LCOR: variants seen among roughly 807,000 people sequenced by gnomAD.
LCOR encodes the protein ligand-dependent corepressor.
In LCOR, 14 loss-of-function variants were observed where a neutral mutation model predicts 64.4. The ratio of observed to expected loss-of-function variants is 0.22; its 90% CI spans 0.14 to 0.34. LCOR has a LOEUF of 0.34. LCOR is among the 10% of genes least tolerant of loss of function. The pLI is 1.00. For missense variants in LCOR, 1,686 were observed against 1,765.3 expected, an observed-to-expected ratio of 0.96 and a Z score of 0.80; for synonymous variants, 643 against 642.5, an observed-to-expected ratio of 1.00 and a Z score of -0.01.
rs1205324892 is a variant in LCOR at position 96,993,907 on chromosome 10, G to C, written c.*8773G>C. 1 of 152,032 alleles carries C rather than the reference G, an allele frequency of 6.6e-6. No homozygotes were observed. Among genetic ancestry groups the C allele is most frequent in the African/African-American group, 2.4e-5 (1 of 41,382 alleles). 9.4% of individuals were successfully genotyped at this position (152,032 alleles called of 1,614,324 possible). On this transcript the variant is annotated 3_prime_UTR_variant, in exon 8 of 8. Coordinates refer to ENST00000421806, the MANE Select transcript of LCOR (RefSeq NM_001346516.2). The stretch of plus-strand genomic sequence containing the variant: ...AACATTTATTCCAGGGCCCACATTG[G>C]CCCTTGTCTCAGAGGATAGGGTGGG...
At chr10:96,963,050 A>G (rs999981868) in intron 7 of LCOR, 5 of 152,234 alleles carry the variant, frequency 3.3e-5, no homozygotes, top group South Asian at 2.1e-4. Flanking sequence ...ATGAATGTCA[A>G]CTTAAAAAAC....
chr10:96,960,786 T>C (rs1477998945), intron 7 of LCOR: 2 of 152,148 alleles, frequency 1.3e-5, no homozygotes, highest in African/African-American at 2.4e-5. Context: ...TTTCAAAATC[T>C]GAAAAGGAAA....
At chr10:96,929,794 T>C (rs992194125) in intron 4 of LCOR, among the ~76,000 whole-genome samples, 1 of 152,214 alleles carries the variant, frequency 6.6e-6, no homozygotes. Flanking sequence ...GACATGCAAC[T>C]CTTCCTTTCA....
At chr10:96,898,965 T>C (rs988971252) in intron 2 of LCOR, among the ~76,000 whole-genome samples, 1 of 152,158 alleles carries the variant, frequency 6.6e-6, no homozygotes, top group Non-Finnish European at 1.5e-5. Flanking sequence ...CTTTCTGAAG[T>C]AAAATGAATA....
intron 2 of LCOR, among the ~76,000 whole-genome samples, chr10:96,847,925 C>T (rs540983197): frequency 6.6e-6 from 1 of 152,248 alleles, no homozygotes; most frequent in African/African-American, 2.4e-5. Context: ...CTTTTTTCCC[C>T]CCTTTTCCTG....
intron 4 of LCOR, among the ~76,000 whole-genome samples, chr10:96,914,182 AT>A (rs879819260): frequency 2.0e-5 from 3 of 152,048 alleles, no homozygotes; most frequent in Non-Finnish European, 2.9e-5. Context: ...TCCCTTTAAC[AT>A]TTTAGTTTTA....
chr10:96,846,221 A>G (rs1253539342), intron 2 of LCOR, among the ~76,000 whole-genome samples: 2 of 151,800 alleles, frequency 1.3e-5, no homozygotes, highest in East Asian at 3.9e-4. Flanking sequence ...CAAAAACAAA[A>G]CTGGAATTTT....
At chr10:96,840,482 C>T (rs1396341084) in intron 2 of LCOR, among the ~76,000 whole-genome samples, 4 of 152,126 alleles carry the variant, frequency 2.6e-5, no homozygotes, top group Non-Finnish European at 4.4e-5. Context: ...CAGGATACGT[C>T]AGGGTTTGCT....
chr10:96,866,092 C>G (rs1269141495), intron 2 of LCOR, among the ~76,000 whole-genome samples: 1 of 152,074 alleles, frequency 6.6e-6, no homozygotes, highest in African/African-American at 2.4e-5. Context: ...GTATGTGGTG[C>G]TCTATTTATT....
intron 2 of LCOR, among the ~76,000 whole-genome samples, chr10:96,879,754 TG>T (rs1292770168): frequency 6.6e-6 from 1 of 152,164 alleles, no homozygotes; most frequent in African/African-American, 2.4e-5. Flanking sequence ...CTCTGCTTCC[TG>T]GGTTCAAGCT....
At chr10:96,835,076 C>T (rs2790465) in intron 2 of LCOR, among the ~76,000 whole-genome samples, 150,680 of 152,272 alleles carry the variant, frequency 0.99, 74,570 homozygotes, top group East Asian at 1. Flanking sequence ...AATTTTTGTA[C>T]TTTTGGTAGA....
chr10:96,939,336 C>T (rs1378415011), intron 4 of LCOR, among the ~76,000 whole-genome samples: 1 of 152,150 alleles, frequency 6.6e-6, no homozygotes, highest in East Asian at 1.9e-4. Context: ...TTCCTTACGC[C>T]ATACACAAAA....
Position 96,982,476 on chromosome 10 carries a change from C to T in LCOR, c.2016C>T (p.Pro672=), listed in dbSNP as rs1397051624. The change falls in exon 8 of 8, where the codon CCC becomes CCT. Residue 672 remains proline (P), a synonymous_variant. Coordinates refer to ENST00000421806, the MANE Select transcript of LCOR (RefSeq NM_001346516.2). ...TACCCCAGGACTGTCACCTCCTTCC[C>T]TCCACTGAAAGCTTTTCCGGGGGAG... ...MSVPQDCHLL[P]STESFSGGVS... 6 of 1,614,090 alleles carry T rather than the reference C, an allele frequency of 3.7e-6. No individual in the cohort carries two copies. The highest frequency in any genetic ancestry group is 5.1e-6 in the Non-Finnish European group (6 of 1,180,050).
At chr10:96,936,027 C>T (rs1307786202) in intron 4 of LCOR, among the ~76,000 whole-genome samples, 4 of 152,220 alleles carry the variant, frequency 2.6e-5, no homozygotes, top group Non-Finnish European at 4.4e-5. Flanking sequence ...ATTCATGAAT[C>T]GGGCAGCCTC....
Position 96,971,092 on chromosome 10 carries a change from G to A in LCOR, c.333-9701G>A, listed in dbSNP as rs1426885483. Among the ~76,000 whole-genome samples the A allele has an allele frequency of 2.0e-5, 3 of 152,158 alleles. No homozygotes were observed. The East Asian group carries it at 5.8e-4, about 29-fold the overall frequency. On this transcript the variant is annotated intron_variant, in intron 7 of 7. Coordinates refer to ENST00000421806, the MANE Select transcript of LCOR (RefSeq NM_001346516.2). ...GTTCTGGATTGCTGTTGAAAACCTA[G>A]TGGTGTTTTAAAGCCATTATGTAAA... is the stretch of plus-strand genomic sequence containing the variant.
At position 96,935,851 on chromosome 10, in the gene LCOR, A is replaced by G. The variant is rs146725369; in HGVS notation, c.-183-8262A>G. Among the ~76,000 whole-genome samples the G allele has an allele frequency of 2.0e-3, 306 of 152,268 alleles. 1 individual carries two copies. The highest frequency in any genetic ancestry group is 0.012 in the East Asian group (64 of 5,176). On this transcript the variant is annotated intron_variant, in intron 4 of 7. Coordinates refer to ENST00000421806, the MANE Select transcript of LCOR (RefSeq NM_001346516.2). ...TCCTGTCTTTAAACAAACAAACAAC[A>G]ACGACAAAAACAGAGAACTCCAGAA... is the stretch of plus-strand genomic sequence containing the variant.
Position 96,993,638 on chromosome 10 carries a change from G to C in LCOR, c.*8504G>C, listed in dbSNP as rs1589354882. 1 of 151,882 alleles carries C rather than the reference G, an allele frequency of 6.6e-6. No individual in the cohort carries two copies. The highest frequency in any genetic ancestry group is 2.1e-4 in the South Asian group (1 of 4,808). 9.4% of individuals were successfully genotyped at this position (151,882 alleles called of 1,614,324 possible). On this transcript the variant is annotated 3_prime_UTR_variant, in exon 8 of 8. Coordinates refer to ENST00000421806, the MANE Select transcript of LCOR (RefSeq NM_001346516.2). ...CCTTTCATAACACAGTTCACACATGGAGAAAGAACAAAAACCAGCAGGTTG... is the reference window on the plus strand; with the variant it reads ...CCTTTCATAACACAGTTCACACATGCAGAAAGAACAAAAACCAGCAGGTTG...
chr10:96,958,297 T>C, intron 7 of LCOR: 1 of 1,464,720 alleles, frequency 6.8e-7, no homozygotes, highest in East Asian at 2.5e-5. Context: ...AGAGGTTTAA[T>C]CCTATGTGGT....
At chr10:96,965,006 T>A (rs1032833201) in intron 7 of LCOR, among the ~76,000 whole-genome samples, 5 of 151,628 alleles carry the variant, frequency 3.3e-5, no homozygotes, top group South Asian at 2.1e-4. Flanking sequence ...GCTCAACATT[T>A]AAAAAAAATT....
Sources: allele counts gnomAD v4.1 joint callset (sites outside exome capture counted in the v4.1 genomes callset), GRCh38; gene constraint gnomAD v4.1.1; transcripts MANE v1.5; gene names NCBI Gene and HGNC (gene_info 2026-07-23, HGNC 2026-07-21).